The following MGST2 variants were observed in gnomAD, a reference collection of about 807,000 sequenced individuals.
MGST2 encodes glutathione peroxidase MGST2.
In MGST2, 9 loss-of-function variants were observed where a neutral mutation model predicts 16.6. The ratio of observed to expected loss-of-function variants is 0.54; its 90% CI spans 0.33 to 0.95. The LOEUF (loss-of-function observed/expected upper bound fraction) is 0.95, where lower values mean the gene tolerates loss of function less well. Ranked by LOEUF, MGST2 falls within the 40% of genes least tolerant of loss-of-function variation. The probability of loss-of-function intolerance (pLI) is 0.03; values close to 1 mark genes in which losing one functional copy is unlikely to be tolerated. For synonymous variants in MGST2, 79 were observed against 68.0 expected (o/e 1.16, Z -0.79); for missense variants, 159 against 175.1 (o/e 0.91, Z 0.52).
chr4:139,730,428 AATC>A, intron 5 of MGST2: 2 of 1,440,490 alleles, frequency 1.4e-6, no homozygotes, highest in Non-Finnish European at 1.8e-6. Context: ...GTTCCGCCAA[AATC>A]TGCTGCTGCT....
chr4:139,725,861 T>C, intron 5 of MGST2: 1 of 1,598,086 alleles, frequency 6.3e-7, no homozygotes, highest in Non-Finnish European at 8.6e-7. Context: ...ACAAGAGGGG[T>C]GGAGAGGTGA....
downstream of MGST2, among the ~76,000 whole-genome samples, chr4:139,707,764 G>A (rs1468312355): frequency 1.3e-5 from 2 of 152,080 alleles, no homozygotes; most frequent in Non-Finnish European, 2.9e-5. Flanking sequence ...GGTGTGAGAT[G>A]GTATCTCATT....
At chr4:139,737,790 G>A (rs539605115) in intron 5 of MGST2, among the ~76,000 whole-genome samples, 1 of 152,252 alleles carries the variant, frequency 6.6e-6, no homozygotes, top group East Asian at 1.9e-4. Context: ...GGTTTGGAGA[G>A]GTGTTTACAA....
chr4:139,690,603 G>T (rs1560746986), intron 2 of MGST2, among the ~76,000 whole-genome samples: 1 of 152,172 alleles, frequency 6.6e-6, no homozygotes, highest in Non-Finnish European at 1.5e-5. Context: ...GAGCTCCTGG[G>T]TGTGGGCCTC....
intron 2 of MGST2, among the ~76,000 whole-genome samples, chr4:139,687,479 T>G (rs1731629134): frequency 1.3e-5 from 2 of 152,186 alleles, no homozygotes; most frequent in South Asian, 4.1e-4. Flanking sequence ...TCTGTTTTTT[T>G]CCCTGGAGGA....
downstream of MGST2, among the ~76,000 whole-genome samples, chr4:139,742,118 C>T (rs1729184329): frequency 6.6e-6 from 1 of 150,746 alleles, no homozygotes; most frequent in African/African-American, 2.4e-5. Context: ...AAATCATCCT[C>T]TCTACAGATC....
intron 5 of MGST2, among the ~76,000 whole-genome samples, chr4:139,739,865 A>C (rs1275396112): frequency 7.2e-5 from 11 of 152,126 alleles, no homozygotes. Flanking sequence ...TATTTTTAAA[A>C]GCTTGTTAAG....
At chr4:139,673,933 G>C (rs940262999) in intron 1 of MGST2, among the ~76,000 whole-genome samples, 4 of 152,166 alleles carry the variant, frequency 2.6e-5, no homozygotes, top group Non-Finnish European at 4.4e-5. Context: ...GTTATACCTT[G>C]GTTTGGCCTC....
At chr4:139,716,412 T>A (rs1579349576) in intron 5 of MGST2, among the ~76,000 whole-genome samples, 2 of 152,302 alleles carry the variant, frequency 1.3e-5, no homozygotes, top group African/African-American at 4.8e-5. Context: ...TATTTATTTT[T>A]CCAGTGGAGC....
At chr4:139,669,219 G>T (rs1560733168) in intron 1 of MGST2, among the ~76,000 whole-genome samples, 1 of 152,112 alleles carries the variant, frequency 6.6e-6, no homozygotes, top group African/African-American at 2.4e-5. Flanking sequence ...ATGGTTGGGG[G>T]GCTTAGAATT....
intron 2 of MGST2, chr4:139,685,432 T>G (rs1731508017): frequency 6.5e-6 from 1 of 154,572 alleles, no homozygotes; most frequent in African/African-American, 2.4e-5. Flanking sequence ...ACTTCCTCTC[T>G]TTTACTCTTG....
At chr4:139,681,076 G>T (rs1731217587) in intron 2 of MGST2, among the ~76,000 whole-genome samples, 1 of 152,034 alleles carries the variant, frequency 6.6e-6, no homozygotes. Context: ...AAGTACAGTG[G>T]CACAATCTCA....
intron 1 of MGST2, among the ~76,000 whole-genome samples, chr4:139,666,753 G>A (rs1400892547): frequency 6.6e-6 from 1 of 152,168 alleles, no homozygotes; most frequent in Non-Finnish European, 1.5e-5. Context: ...CCGAGTGCAA[G>A]AGTGCAAGAC....
chr4:139,701,968 G>GA (rs5862429), intron 3 of MGST2, among the ~76,000 whole-genome samples: 102,065 of 146,028 alleles, frequency 0.7, 37,206 homozygotes, highest in Non-Finnish European at 0.82. Flanking sequence ...CCTGTCTCAA[G>GA]AAAAAAAAAA....
At chr4:139,737,886 G>A (rs1238918383) in intron 5 of MGST2, among the ~76,000 whole-genome samples, 3 of 152,312 alleles carry the variant, frequency 2.0e-5, no homozygotes, top group African/African-American at 4.8e-5. Flanking sequence ...GGATTAAAAG[G>A]TTTGTTTTGT....
intron 1 of MGST2, among the ~76,000 whole-genome samples, chr4:139,674,246 G>A (rs1730850358): frequency 6.6e-6 from 1 of 152,182 alleles, no homozygotes; most frequent in African/African-American, 2.4e-5. Flanking sequence ...TATGTCAGAT[G>A]TACATTGGTT....
chr4:139,678,157 C>T (rs1212216852), intron 1 of MGST2, among the ~76,000 whole-genome samples: 1 of 152,168 alleles, frequency 6.6e-6, no homozygotes, highest in Non-Finnish European at 1.5e-5. Flanking sequence ...GTTAATTAAT[C>T]TGCCTCATGT....
chr4:139,730,453 TG>T, intron 5 of MGST2: 1 of 1,552,046 alleles, frequency 6.4e-7, no homozygotes, highest in South Asian at 1.2e-5. Flanking sequence ...CTGCTGCTGC[TG>T]CTGCCTTTGC....
intron 2 of MGST2, among the ~76,000 whole-genome samples, chr4:139,694,529 C>G (rs1347865494): frequency 6.6e-6 from 1 of 152,100 alleles, no homozygotes; most frequent in African/African-American, 2.4e-5. Flanking sequence ...TTGTTAGATG[C>G]AGATGAATTA....
Sources: gnomAD v4.1 joint callset for allele counts (sites outside exome capture counted in the v4.1 genomes callset) on GRCh38, gnomAD v4.1.1 for gene constraint, MANE v1.5 for transcripts, NCBI Gene and HGNC (gene_info 2026-07-23, HGNC 2026-07-21) for gene names.